GTF3C3: variants seen among roughly 807,000 people sequenced by gnomAD.
GTF3C3 encodes general transcription factor 3C polypeptide 3.
In GTF3C3, 75 loss-of-function variants were observed where a neutral mutation model predicts 105.2. The ratio of observed to expected loss-of-function variants is 0.71; its 90% CI spans 0.59 to 0.86. The LOEUF (loss-of-function observed/expected upper bound fraction) is 0.86, where lower values mean the gene tolerates loss of function less well. Among genes scored for constraint, GTF3C3 ranks in the 40% least tolerant of loss-of-function variants. The probability of loss-of-function intolerance (pLI) is 0.00; values close to 1 mark genes in which losing one functional copy is unlikely to be tolerated. For synonymous variants in GTF3C3, 335 were observed against 370.4 expected (o/e 0.90, Z 1.10); for missense variants, 856 against 1,076.5 (o/e 0.80, Z 2.87).
chr2:196,771,766 T>G lies in GTF3C3; in HGVS notation c.2242A>C (p.Ser748Arg). Residue 748 changes from serine to arginine, a missense_variant, in exon 15 of 18, where the codon AGT (serine) becomes CGT (arginine). Coordinates refer to ENST00000263956, the MANE Select transcript of GTF3C3 (RefSeq NM_012086.5). Reference sequence around the variant, plus strand: ...CACTTACCAAGCGCATGCTTAAAACTACCAGATACAAATGCATTGTGTCCA... The same window carrying G: ...CACTTACCAAGCGCATGCTTAAAACGACCAGATACAAATGCATTGTGTCCA... ...LNGHNAFVSGSFKHALGQYVQ... is the reference protein window; with the variant it reads ...LNGHNAFVSGRFKHALGQYVQ... 1 of 1,612,630 alleles carries G rather than the reference T, an allele frequency of 6.2e-7. No individual in the cohort carries two copies. Among genetic ancestry groups the G allele is most frequent in the Non-Finnish European group, 8.5e-7 (1 of 1,178,614 alleles).
intron 16 of GTF3C3, among the ~76,000 whole-genome samples, chr2:196,767,948 GC>G (rs1699096438): frequency 6.6e-6 from 1 of 152,182 alleles, no homozygotes; most frequent in Non-Finnish European, 1.5e-5. Flanking sequence ...TTAAAAACTA[GC>G]CAATGTGGGT....
At chr2:196,767,670 G>C (rs893930204) in intron 16 of GTF3C3, among the ~76,000 whole-genome samples, 2 of 152,100 alleles carry the variant, frequency 1.3e-5, no homozygotes, top group African/African-American at 2.4e-5. Flanking sequence ...GTGTGACTAT[G>C]ACCTCTATTC....
chr2:196,798,002 C>G (rs1559308171), intron 1 of GTF3C3, 94 bp from the exon 2 acceptor site: 1 of 754,090 alleles, frequency 1.3e-6, no homozygotes, highest in East Asian at 2.6e-5. Flanking sequence ...AGCTTTGCCA[C>G]TCGGGCATTT....
rs755479072 is a variant in GTF3C3, at chr2:196,771,744, T to G, written c.2260+4A>C. On this transcript the variant is annotated splice_donor_region_variant and intron_variant, in intron 15 of 17. Transcript: ENST00000263956. ...TTGACAAAGTCACGTGCCAGGACAC[T>G]TACCAAGCGCATGCTTAAAACTACC... 6.2e-7 allele frequency: 1 copy of G among 1,600,592 alleles called. No individual in the cohort carries two copies. The highest frequency in any genetic ancestry group is 8.6e-7 in the Non-Finnish European group (1 of 1,167,712).
chr2:196,784,703 G>T, intron 8 of GTF3C3, 154 bp downstream of exon 8: 1 of 685,016 alleles, frequency 1.5e-6, no homozygotes, highest in Non-Finnish European at 1.8e-6. Flanking sequence ...CACAAGATAT[G>T]AAATCTCTGA....
chr2:196,780,169 TTTACTCAATATC>T, intron 9 of GTF3C3: 2 of 551,850 alleles, frequency 3.6e-6, no homozygotes, highest in Non-Finnish European at 4.6e-6. Flanking sequence ...ATTTGTATAT[TTTACTCAATATC>T]TTATCCTAAG....
intron 10 of GTF3C3, among the ~76,000 whole-genome samples, chr2:196,777,073 G>C (rs1029533631): frequency 2.2e-4 from 34 of 152,136 alleles, no homozygotes; most frequent in African/African-American, 8.2e-4. Context: ...TTAGCTCACA[G>C]TGCTTTTAAA....
intron 12 of GTF3C3, 38 bp downstream of exon 12, chr2:196,775,972 A>G: frequency 1.1e-6 from 1 of 922,912 alleles, no homozygotes; most frequent in East Asian, 2.6e-5. Context: ...ACATTTAAAA[A>G]GTCAACAAGG....
intron 14 of GTF3C3, 75 bp from the exon 15 acceptor site, chr2:196,772,013 G>T: frequency 1.1e-6 from 1 of 951,684 alleles, no homozygotes; most frequent in Non-Finnish European, 1.7e-6. Context: ...AAACCCTTCA[G>T]TGCTGTCCTA....
chr2:196,787,814 C>T lies in GTF3C3; in HGVS notation c.893+1390G>A, dbSNP rs149035970. Among the ~76,000 whole-genome samples the T allele has an allele frequency of 1.1e-3, 165 of 152,268 alleles. No homozygotes were observed. The East Asian group carries it at 0.019, about 17-fold the overall frequency. ...CTTGTTCAATAGTGGATACCCTGGT[C>T]TCCTGTATAGTACCTAGTGCCAAAG... On this transcript the variant is annotated intron_variant, in intron 6 of 17. Transcript: ENST00000263956.
intron 9 of GTF3C3, 179 bp downstream of exon 9, chr2:196,780,380 T>G (rs186023577): frequency 4.0e-6 from 5 of 1,255,986 alleles, no homozygotes; most frequent in Non-Finnish European, 5.1e-6. Context: ...GTAAGCCCAA[T>G]TGCAAAACAA....
At chr2:196,792,533 CTGTGTGTG>C (rs961000217) in intron 3 of GTF3C3, among the ~76,000 whole-genome samples, 1 of 152,066 alleles carries the variant, frequency 6.6e-6, no homozygotes, top group South Asian at 2.1e-4. Flanking sequence ...GTCTGTGTGT[CTGTGTGTG>C]TGTTAGATTC....
intron 15 of GTF3C3, among the ~76,000 whole-genome samples, chr2:196,771,171 A>G (rs1699168336): frequency 6.6e-6 from 1 of 152,112 alleles, no homozygotes; most frequent in Non-Finnish European, 1.5e-5. Flanking sequence ...CTGATTCCTT[A>G]TTACAGAAAT....
chr2:196,785,400 C>T, intron 7 of GTF3C3, 41 bp downstream of exon 7: 1 of 1,277,160 alleles, frequency 7.8e-7, no homozygotes, highest in South Asian at 1.9e-5. Flanking sequence ...AACACAGAAA[C>T]ACATGCAAAA....
At position 196,792,995 on chromosome 2, in the gene GTF3C3, C is replaced by T. The variant is rs545296391; in HGVS notation, c.372G>A (p.Leu124=). The T allele has an allele frequency of 6.2e-7, 1 of 1,613,824 alleles. No individual in the cohort carries two copies. The highest frequency in any genetic ancestry group is 2.2e-5 in the East Asian group (1 of 44,874). The change falls in exon 3 of 18, where the codon TTG becomes TTA. Residue 124 remains leucine (L), a synonymous_variant. Coordinates refer to ENST00000263956, the MANE Select transcript of GTF3C3 (RefSeq NM_012086.5). The part of the protein sequence containing the change: ...EQPTAGDVFV[L]EMVLNRETKK... ...TGGTTTCACGATTGAGAACCATCTC[C>T]AATACAAATACATCGCCCGCAGTGG...
Position 196,799,366 on chromosome 2 carries a change from AC to A in GTF3C3, c.102+143del, listed in dbSNP as rs1699706367. ...CTTAGCACAGGGATGAGGGGTGAAA[AC>A]CGGAGTTTCTGTAAGATAAGGAAGA... On this transcript the variant is annotated intron_variant, in intron 1 of 17. Coordinates refer to ENST00000263956, the MANE Select transcript of GTF3C3 (RefSeq NM_012086.5). 8 of 643,902 alleles carry A rather than the reference AC, an allele frequency of 1.2e-5. 1 individual carries two copies. In the South Asian group the frequency reaches 1.5e-4, roughly 12 times the overall value. 39.9% of individuals were successfully genotyped at this position (643,902 alleles called of 1,614,324 possible).
At chr2:196,798,955 G>C (rs191566616) in intron 1 of GTF3C3, among the ~76,000 whole-genome samples, 1 of 151,680 alleles carries the variant, frequency 6.6e-6, no homozygotes, top group East Asian at 1.9e-4. Flanking sequence ...AAGTAAGCAA[G>C]AAGATACAGT....
chr2:196,773,010 A>G lies in GTF3C3; in HGVS notation c.1975T>C (p.Tyr659His). ...TCTTTGCGTTTTTGCCTGTCATCAT[A>G]AAATGAGTAATATTCCAATGAGGAA... ...VDSSLEYYSFYDDRQKRKELE... is the reference protein window; with the variant it reads ...VDSSLEYYSFHDDRQKRKELE... The change falls in exon 14 of 18, where the codon TAT (tyrosine) becomes CAT (histidine). Residue 659 changes from tyrosine (Y) to histidine (H), a missense_variant. Coordinates refer to ENST00000263956, the MANE Select transcript of GTF3C3 (RefSeq NM_012086.5). 6.2e-7 allele frequency: 1 copy of G among 1,612,122 alleles called. No homozygotes were observed. Among genetic ancestry groups the G allele is most frequent in the Non-Finnish European group, 8.5e-7 (1 of 1,179,128 alleles).
chr2:196,797,936 CA>C (rs761758601), intron 1 of GTF3C3, 28 bp from the exon 2 acceptor site: 9 of 1,247,250 alleles, frequency 7.2e-6, no homozygotes, highest in African/African-American at 1.5e-5. Context: ...TTAATGATTC[CA>C]AAAAATAATG....
Sources: gnomAD v4.1 joint callset for allele counts (sites outside exome capture counted in the v4.1 genomes callset) on GRCh38, gnomAD v4.1.1 for gene constraint, MANE v1.5 for transcripts, NCBI Gene and HGNC (gene_info 2026-07-23, HGNC 2026-07-21) for gene names.